Variants in TRIM27 observed in about 807,000 individuals in gnomAD.
TRIM27 encodes tripartite motif containing 27.
Under a neutral mutation model 57.6 loss-of-function variants are expected in TRIM27, and 12 were observed. The ratio of observed to expected loss-of-function variants is 0.21; its 90% CI spans 0.13 to 0.34. The LOEUF (loss-of-function observed/expected upper bound fraction) is 0.34. Among genes scored for constraint, TRIM27 ranks in the 10% least tolerant of loss-of-function variants. The pLI is 1.00. For missense variants in TRIM27, 403 were observed against 656.8 expected, an observed-to-expected ratio of 0.61 and a Z score of 4.22; for synonymous variants, 266 against 259.0, an observed-to-expected ratio of 1.03 and a Z score of -0.26.
chr6:28,909,112 A>ATT (rs199893944), intron 4 of TRIM27, 24 bp from the exon 5 acceptor site: 1,102 of 1,252,468 alleles, frequency 8.8e-4, no homozygotes, highest in Middle Eastern at 1.4e-3. Flanking sequence ...ACATGAGTAA[A>ATT]TTTTTTTTTT....
chr6:28,920,001 G>A lies in TRIM27; in HGVS notation c.747+11C>T, dbSNP rs375942524. 1.5e-4 allele frequency: 237 copies of A among 1,608,544 alleles called. No individual in the cohort carries two copies. Among genetic ancestry groups the A allele is most frequent in the Admixed American group, 3.8e-4 (23 of 59,868 alleles). ...GTGGGTGCTGCTCTAGCAGGGCTCTGCAAGCCTTACCTGCAGGAGCTCCCT... is the reference window on the plus strand; with the variant it reads ...GTGGGTGCTGCTCTAGCAGGGCTCTACAAGCCTTACCTGCAGGAGCTCCCT... On this transcript the variant is annotated intron_variant, in intron 3 of 7. Coordinates refer to ENST00000377199, the MANE Select transcript of TRIM27 (RefSeq NM_006510.5).
chr6:28,912,107 T>C (rs1283132894), intron 3 of TRIM27, among the ~76,000 whole-genome samples: 4 of 95,720 alleles, frequency 4.2e-5, no homozygotes, highest in Admixed American at 1.0e-4. Flanking sequence ...TCCAGTATAC[T>C]TTTTTTTTTT....
intron 4 of TRIM27, 177 bp downstream of exon 4, chr6:28,911,519 T>C (rs1019915940): frequency 2.1e-5 from 13 of 627,612 alleles, no homozygotes; most frequent in Non-Finnish European, 3.2e-5. Context: ...TCCTGAATTT[T>C]ACTGAGTAGA....
chr6:28,914,844 G>A (rs1173554659), intron 3 of TRIM27: 1 of 150,634 alleles, frequency 6.6e-6, no homozygotes, highest in East Asian at 1.9e-4. Flanking sequence ...CTCCACATAG[G>A]TTTTTGTATA....
intron 3 of TRIM27, among the ~76,000 whole-genome samples, chr6:28,912,335 C>G (rs747269387): frequency 4.6e-5 from 7 of 152,094 alleles, no homozygotes; most frequent in African/African-American, 1.2e-4. Flanking sequence ...GTCTTGAACT[C>G]CTGACCTCAG....
In TRIM27 at chr6:28,904,621, G is replaced by C. The variant is rs1396775713; in HGVS notation, c.991C>G (p.Leu331Val). 6.2e-7 allele frequency: 1 copy of C among 1,601,308 alleles called. No individual in the cohort carries two copies. The highest frequency in any genetic ancestry group is 8.5e-7 in the Non-Finnish European group (1 of 1,179,968). The change falls in exon 8 of 8, where the codon CTC becomes GTC. Residue 331 changes from leucine to valine, a missense_variant. Transcript: ENST00000377199. The surrounding 1 kb of genome is among the most constrained non-coding windows in gnomAD (Gnocchi z 6.1). ...CGCACTTGCCGCAGATTATCAGAGA[G>C]GATCAGGCTGGGGTAGGCCGTGTCT... ...DPDTAYPSLI[L>V]SDNLRQVRYS...
chr6:28,920,735 C>G (rs562218474), intron 2 of TRIM27, among the ~76,000 whole-genome samples: 6 of 152,258 alleles, frequency 3.9e-5, no homozygotes, highest in African/African-American at 1.2e-4. Context: ...AAAGGTAAGG[C>G]CTTGTCATGC....
At chr6:28,916,117 A>G (rs1046273055) in intron 3 of TRIM27, among the ~76,000 whole-genome samples, 2 of 151,682 alleles carry the variant, frequency 1.3e-5, no homozygotes, top group Admixed American at 6.6e-5. Context: ...GGGTTTCACC[A>G]TGTTGGCCAG....
intron 7 of TRIM27, chr6:28,906,551 T>C (rs548194771): frequency 1.3e-5 from 2 of 152,164 alleles, no homozygotes; most frequent in East Asian, 3.9e-4. Context: ...TTAGGCAGTG[T>C]AGGATACAAG....
chr6:28,923,161 C>T, intron 1 of TRIM27, 52 bp downstream of exon 1: 1 of 1,487,784 alleles, frequency 6.7e-7, no homozygotes, highest in African/African-American at 1.4e-5. Context: ...CTTTGGCTCT[C>T]TCCTCCCTTT....
intron 3 of TRIM27, among the ~76,000 whole-genome samples, chr6:28,913,577 G>A (rs143627800): frequency 7.4e-4 from 112 of 151,190 alleles, no homozygotes; most frequent in Non-Finnish European, 1.4e-3. Context: ...ACTGGCATAT[G>A]AGTGTCTCTC....
chr6:28,909,148 C>T (rs969992121), intron 4 of TRIM27, 60 bp from the exon 5 acceptor site: 146 of 1,280,838 alleles, frequency 1.1e-4, no homozygotes, highest in Non-Finnish European at 1.6e-4. Context: ...TCGCTTGTTG[C>T]CCAGGCTGGA....
At position 28,904,415 on chromosome 6, in the gene TRIM27, G is replaced by A. The variant is rs536734879; in HGVS notation, c.1197C>T (p.Thr399=). ...EDSVCRKGGV[T]SAPQNGFWAV... The stretch of plus-strand genomic sequence containing the variant: ...CCCAGAATCCATTCTGGGGGGCTGA[G>A]GTTACTCCACCTTTTCTGCACACTG... The change falls in exon 8 of 8, where the codon ACC becomes ACT. Residue 399 remains threonine (T), a synonymous_variant. Transcript: ENST00000377199. This position sits in a 1 kb window ranked among gnomAD's most constrained non-coding sequence, Gnocchi z 6.1. 7.3e-5 allele frequency: 118 copies of A among 1,613,056 alleles called. No individual in the cohort carries two copies. The highest frequency in any genetic ancestry group is 4.5e-4 in the South Asian group (41 of 91,086).
intron 4 of TRIM27, 114 bp downstream of exon 4, chr6:28,911,582 G>T: frequency 9.5e-7 from 1 of 1,047,992 alleles, no homozygotes; most frequent in Non-Finnish European, 1.4e-6. Flanking sequence ...AGGGATATGT[G>T]TCAATTTGAT....
intron 6 of TRIM27, chr6:28,907,608 T>C (rs1431716694): frequency 3.5e-6 from 2 of 576,902 alleles, no homozygotes; most frequent in Non-Finnish European, 3.4e-6. Flanking sequence ...TACATAACTT[T>C]TGAGTTGCAT....
chr6:28,923,762 G>C lies in TRIM27; in HGVS notation c.-130C>G, dbSNP rs1371576931. 1 of 1,068,818 alleles carries C rather than the reference G, an allele frequency of 9.4e-7. No homozygotes were observed. The highest frequency in any genetic ancestry group is 1.3e-6 in the Non-Finnish European group (1 of 770,624). The allele number at this position is 1,068,818 out of a possible 1,614,324, so 66.2% of individuals were successfully genotyped here. ...GGGCGGACGGAGGGCGGCGCCTCCC[G>C]GGCCCGTATCCCAGACGCGCCCGCG... On this transcript the variant is annotated 5_prime_UTR_variant, in exon 1 of 8. Coordinates refer to ENST00000377199, the MANE Select transcript of TRIM27 (RefSeq NM_006510.5).
chr6:28,909,131 T>TG (rs1562154571), intron 4 of TRIM27, 43 bp from the exon 5 acceptor site: 3 of 1,411,858 alleles, frequency 2.1e-6, no homozygotes, highest in East Asian at 2.3e-5. Context: ...TTTTTTGAGA[T>TG]GGAGTTTCGC....
intron 3 of TRIM27, among the ~76,000 whole-genome samples, chr6:28,917,275 A>G (rs1773680533): frequency 6.6e-6 from 1 of 152,058 alleles, no homozygotes; most frequent in African/African-American, 2.4e-5. Context: ...AGCAAAGCTG[A>G]TAAGAAAGTT....
intron 4 of TRIM27, among the ~76,000 whole-genome samples, chr6:28,909,595 T>G (rs1376997896): frequency 1.3e-5 from 2 of 152,192 alleles, no homozygotes. Flanking sequence ...CCAAAGCACC[T>G]AGCTCACAGC....
Sources: allele counts gnomAD v4.1 joint callset (sites outside exome capture counted in the v4.1 genomes callset), GRCh38; gene constraint gnomAD v4.1.1; non-coding constraint Gnocchi (gnomAD v3.1); transcripts MANE v1.5; gene names NCBI Gene and HGNC (gene_info 2026-07-23, HGNC 2026-07-21).